DTNB: variants seen among roughly 807,000 people sequenced by gnomAD.
The protein encoded by DTNB is dystrobrevin beta.
Under a neutral mutation model 90.7 loss-of-function variants are expected in DTNB, and 63 were observed. The observed-to-expected ratio is 0.69, with a 90% CI of 0.57 to 0.86. The LOEUF (loss-of-function observed/expected upper bound fraction) is 0.86, where lower values mean the gene tolerates loss of function less well. Among genes scored for constraint, DTNB ranks in the 40% least tolerant of loss-of-function variants. DTNB has a pLI of 0.00. For synonymous variants in DTNB, 277 were observed against 286.7 expected, an observed-to-expected ratio of 0.97 and a Z score of 0.34; for missense variants, 744 against 807.1, an observed-to-expected ratio of 0.92 and a Z score of 0.95.
chr2:25,441,537 C>A (rs1290734651), intron 12 of DTNB, among the ~76,000 whole-genome samples: 3 of 152,204 alleles, frequency 2.0e-5, no homozygotes, highest in Non-Finnish European at 4.4e-5. Flanking sequence ...CGAATTTCCC[C>A]TGGTGCTGAA....
At chr2:25,466,748 T>G (rs531896451) in intron 10 of DTNB, among the ~76,000 whole-genome samples, 10 of 152,334 alleles carry the variant, frequency 6.6e-5, no homozygotes, top group African/African-American at 2.2e-4. Flanking sequence ...CACCTAAATT[T>G]TTATATATGT....
chr2:25,583,740 C>T (rs1263659804), intron 6 of DTNB, among the ~76,000 whole-genome samples: 3 of 151,738 alleles, frequency 2.0e-5, no homozygotes, highest in South Asian at 2.1e-4. Context: ...AGGATGGTCT[C>T]GATCTCCTAA....
intron 8 of DTNB, among the ~76,000 whole-genome samples, chr2:25,538,827 C>T (rs899284787): frequency 7.9e-5 from 12 of 152,278 alleles, no homozygotes; most frequent in African/African-American, 2.9e-4. Context: ...GAACATTAGT[C>T]ACTCTGAAGA....
At chr2:25,563,183 T>G (rs550686059) in intron 8 of DTNB, among the ~76,000 whole-genome samples, 1 of 152,388 alleles carries the variant, frequency 6.6e-6, no homozygotes, top group South Asian at 2.1e-4. Context: ...CATAACTTTT[T>G]CATCGTGCAA....
intron 6 of DTNB, chr2:25,595,217 T>C (rs2064339782): frequency 6.6e-6 from 1 of 152,184 alleles, no homozygotes; most frequent in South Asian, 2.1e-4. Context: ...TATCAGTTTA[T>C]CCCTTTAGTG....
At chr2:25,496,658 A>C (rs1050934325) in intron 9 of DTNB, among the ~76,000 whole-genome samples, 6 of 152,120 alleles carry the variant, frequency 3.9e-5, no homozygotes, top group Admixed American at 3.3e-4. Flanking sequence ...AGCGTGGCCA[A>C]CATGTAAAGC....
rs781508366 is a variant in DTNB at position 25,387,311 on chromosome 2, G to A, written c.1803C>T (p.Ser601=). Residue 601 remains serine, a synonymous_variant, in exon 18 of 21, where the codon TCC becomes TCT. Transcript: ENST00000406818. The surrounding 1 kb of genome is among the most constrained non-coding windows in gnomAD (Gnocchi z 4.5). ...CACCTGAATGGAGCTCCTTCACCAGGGATGACATGGTGTTGGTGATGGAGT... is the reference window on the plus strand; with the variant it reads ...CACCTGAATGGAGCTCCTTCACCAGAGATGACATGGTGTTGGTGATGGAGT... ...AADSITNTMS[S]LVKELHSAEE... is the part of the protein sequence containing the mutation. 3 of 1,611,094 alleles carry A rather than the reference G, an allele frequency of 1.9e-6. No individual in the cohort carries two copies. The highest frequency in any genetic ancestry group is 2.5e-6 in the Non-Finnish European group (3 of 1,178,970).
chr2:25,411,454 C>T (rs2046589280), intron 16 of DTNB, among the ~76,000 whole-genome samples: 1 of 152,094 alleles, frequency 6.6e-6, no homozygotes, highest in Admixed American at 6.6e-5. Flanking sequence ...CTGCCAGGTC[C>T]CTACGGTGAG....
At chr2:25,565,670 T>C (rs2058922029) in intron 8 of DTNB, among the ~76,000 whole-genome samples, 1 of 152,160 alleles carries the variant, frequency 6.6e-6, no homozygotes, top group African/African-American at 2.4e-5. Flanking sequence ...TCATATTTAT[T>C]GAGATGATCT....
At chr2:25,670,240 A>G (rs1327250179) in intron 1 of DTNB, among the ~76,000 whole-genome samples, 1 of 152,170 alleles carries the variant, frequency 6.6e-6, no homozygotes, top group Non-Finnish European at 1.5e-5. Flanking sequence ...GAGGAGAAAA[A>G]ACTCTGCTCT....
chr2:25,607,459 G>C (rs763683284), intron 4 of DTNB, 138 bp from the exon 5 acceptor site: 9 of 807,332 alleles, frequency 1.1e-5, no homozygotes, highest in Non-Finnish European at 1.7e-5. Context: ...AGAAACCCTG[G>C]ATTTTTTTTT....
At chr2:25,646,671 A>ATTT (rs1452068639) in intron 2 of DTNB, among the ~76,000 whole-genome samples, 1 of 152,192 alleles carries the variant, frequency 6.6e-6, no homozygotes, top group Non-Finnish European at 1.5e-5. Flanking sequence ...TATAAGCTAG[A>ATTT]AGGCCCCCCA....
At chr2:25,455,615 G>T (rs1350973780) in intron 10 of DTNB, 121 bp from the exon 11 acceptor site, 1 of 821,146 alleles carries the variant, frequency 1.2e-6, no homozygotes, top group African/African-American at 1.7e-5. Context: ...ATCATGATAA[G>T]GAAAACAATA....
rs1048633669 is a variant in DTNB at position 25,608,625 on chromosome 2, A to C, written c.363-1304T>G. 2.0e-5 allele frequency among the ~76,000 whole-genome samples: 3 copies of C among 152,216 alleles called. No individual in the cohort carries two copies. In the East Asian group the frequency reaches 5.8e-4, roughly 29 times the overall value. On this transcript the variant is annotated intron_variant, in intron 4 of 20. Transcript: ENST00000406818. ...AGAAAAGCTAGTGGTTATAAGATAG[A>C]TCATTAGGTTAAAAGGAATGGGTTT...
chr2:25,577,264 G>A (rs1026780179), intron 7 of DTNB, among the ~76,000 whole-genome samples: 22 of 151,972 alleles, frequency 1.4e-4, no homozygotes, highest in African/African-American at 5.1e-4. Context: ...GCAAAACCCT[G>A]TCTCTACTAA....
intron 3 of DTNB, among the ~76,000 whole-genome samples, chr2:25,633,464 C>T (rs979393700): frequency 2.3e-4 from 35 of 152,270 alleles, no homozygotes; most frequent in South Asian, 4.2e-4. Flanking sequence ...GTTCACTCAG[C>T]GCTCAATGGT....
At chr2:25,605,720 G>T (rs1559204872) in intron 5 of DTNB, among the ~76,000 whole-genome samples, 1 of 151,896 alleles carries the variant, frequency 6.6e-6, no homozygotes, top group Non-Finnish European at 1.5e-5. Flanking sequence ...AATAAAGATG[G>T]TATATATATT....
At position 25,652,671 on chromosome 2, in the gene DTNB, A is replaced by C; in HGVS notation, c.-1-10T>G. The C allele has an allele frequency of 6.2e-7, 1 of 1,610,510 alleles. No homozygotes were observed. The highest frequency in any genetic ancestry group is 8.5e-7 in the Non-Finnish European group (1 of 1,179,044). ...ACTTTCCTCAATCATCCTAGAGACA[A>C]AGAAAGATACAATAAACCACTGTAT... On this transcript the variant is annotated splice_polypyrimidine_tract_variant and intron_variant, in intron 1 of 20. Coordinates refer to ENST00000406818, the MANE Select transcript of DTNB (RefSeq NM_021907.5).
At chr2:25,654,544 A>G (rs776725774) in intron 1 of DTNB, among the ~76,000 whole-genome samples, 8 of 152,244 alleles carry the variant, frequency 5.3e-5, no homozygotes, top group Non-Finnish European at 1.0e-4. Context: ...GAAAACAGCC[A>G]GTATTAAATT....
Sources: allele counts gnomAD v4.1 joint callset (sites outside exome capture counted in the v4.1 genomes callset), GRCh38; gene constraint gnomAD v4.1.1; non-coding constraint Gnocchi (gnomAD v3.1); transcripts MANE v1.5; gene names NCBI Gene and HGNC (gene_info 2026-07-23, HGNC 2026-07-21).